Variants in NCOR1 observed in about 807,000 individuals in gnomAD.
NCOR1 encodes the protein protein phosphatase 1, regulatory subunit 109.
NCOR1 carries 63 observed loss-of-function variants against 288.1 expected under a neutral mutation model. The observed-to-expected ratio is 0.22, with a 90% CI of 0.18 to 0.27. The LOEUF is 0.27. Among genes scored for constraint, NCOR1 ranks in the 10% least tolerant of loss-of-function variants. The pLI, the probability that NCOR1 is intolerant of heterozygous loss-of-function variation, is 1.00. For synonymous variants in NCOR1, 1,007 were observed against 1,065.9 expected, an observed-to-expected ratio of 0.94 and a Z score of 1.08; for missense variants, 2,397 against 3,019.2, an observed-to-expected ratio of 0.79 and a Z score of 4.83.
At chr17:16,106,854 C>CACATATAT (rs1555652880) in intron 19 of NCOR1, among the ~76,000 whole-genome samples, 4 of 46,154 alleles carry the variant, frequency 8.7e-5, no homozygotes, top group African/African-American at 4.2e-4. Context: ...CTTGATCAGA[C>CACATATAT]ATATATATAT....
intron 35 of NCOR1, among the ~76,000 whole-genome samples, chr17:16,063,117 C>G (rs1418101438): frequency 6.6e-6 from 1 of 152,138 alleles, no homozygotes; most frequent in African/African-American, 2.4e-5. Flanking sequence ...CTCAGCCAGG[C>G]TTCTCAGCAG....
rs1366237463 is a variant in NCOR1, at chr17:16,098,485, A to G, written c.2702T>C (p.Met901Thr). ...GEPERQRMFP[M>T]DSKPSLLNPT... ...GTTTAACAGTGAAGGCTTTGAGTCC[A>G]TAGGAAACATTCTGCAATTGCAATT... The change falls in exon 21 of 46, where the codon ATG becomes ACG. Residue 901 changes from methionine (M) to threonine (T), a missense_variant. Around this residue, in one of 11 missense-constraint regions of NCOR1, gnomAD observed 1,872 missense variants for 2,187.8 expected, o/e 0.86. Coordinates refer to ENST00000268712, the MANE Select transcript of NCOR1 (RefSeq NM_006311.4). 1.2e-6 allele frequency: 2 copies of G among 1,605,710 alleles called. No individual in the cohort carries two copies. Among genetic ancestry groups the G allele is most frequent in the African/African-American group, 1.3e-5 (1 of 74,600 alleles).
chr17:16,097,676 T>C (rs2066887463), intron 21 of NCOR1, among the ~76,000 whole-genome samples: 1 of 152,232 alleles, frequency 6.6e-6, no homozygotes, highest in African/African-American at 2.4e-5. Context: ...TTCTGAGTTA[T>C]ATCCCTTATA....
At chr17:16,106,666 T>C (rs1452166068) in intron 19 of NCOR1, among the ~76,000 whole-genome samples, 4 of 151,670 alleles carry the variant, frequency 2.6e-5, no homozygotes, top group Non-Finnish European at 5.9e-5. Context: ...TCATTGAGAT[T>C]AGGAATAAGT....
At chr17:16,084,379 G>C (rs964987169) in intron 23 of NCOR1, 1 of 152,326 alleles carries the variant, frequency 6.6e-6, no homozygotes, top group African/African-American at 2.4e-5. Flanking sequence ...GGAAGATGAG[G>C]ATTATAACTC....
At position 16,153,376 on chromosome 17, in the gene NCOR1, T is replaced by C. The variant is rs2079170985; in HGVS notation, c.752A>G (p.His251Arg). The C allele has an allele frequency of 6.3e-7, 1 of 1,599,836 alleles. No homozygotes were observed. Among genetic ancestry groups the C allele is most frequent in the African/African-American group, 1.3e-5 (1 of 74,314 alleles). Residue 251 changes from histidine (H) to arginine (R), a missense_variant, in exon 7 of 46, where the codon CAT becomes CGT. His to Arg is a conservative substitution (Grantham distance 29). Transcript: ENST00000268712. ...DENRKKAEEA[H>R]KIFEGLGPKV... is the part of the protein sequence containing the mutation. ...TGGGCCAAGACCTTCAAAAATTTTATGAGCTTCTTCTGCTTTTTTCTAGAG... is the reference window on the plus strand; with the variant it reads ...TGGGCCAAGACCTTCAAAAATTTTACGAGCTTCTTCTGCTTTTTTCTAGAG...
At chr17:16,098,118 AGTT>A (rs1378343514) in intron 21 of NCOR1, among the ~76,000 whole-genome samples, 1 of 152,208 alleles carries the variant, frequency 6.6e-6, no homozygotes, top group African/African-American at 2.4e-5. Flanking sequence ...GGAAGAGAGG[AGTT>A]GTTTAATTAA....
At position 16,062,225 on chromosome 17, in the gene NCOR1, G is replaced by C; in HGVS notation, c.5267C>G (p.Ser1756Cys). The C allele has an allele frequency of 6.2e-7, 1 of 1,613,404 alleles. No homozygotes were observed. Among genetic ancestry groups the C allele is most frequent in the Non-Finnish European group, 8.5e-7 (1 of 1,179,902 alleles). ...CTGAGTTCTTACTGAAGGGGAAGGG[G>C]AGCGAACATATCCATGACTGCCAGG... ...GRPGSHGYVR[S>C]PSPSVRTQET... The change falls in exon 36 of 46, where the codon TCC (serine) becomes TGC (cysteine). Residue 1756 changes from serine (S) to cysteine (C), a missense_variant. By Grantham distance (112) the Ser-to-Cys change is moderately radical. This residue lies in a region of NCOR1 where 1,872 missense variants were observed against 2,187.8 expected (regional missense o/e 0.86). Transcript: ENST00000268712.
chr17:16,115,277 A>C (rs1241865259), intron 18 of NCOR1, among the ~76,000 whole-genome samples: 1 of 152,080 alleles, frequency 6.6e-6, no homozygotes, highest in African/African-American at 2.4e-5. Flanking sequence ...TTTCCTCCTC[A>C]GCCTCCAGGC....
chr17:16,173,512 CAA>C (rs549084922), intron 3 of NCOR1, among the ~76,000 whole-genome samples: 1 of 144,868 alleles, frequency 6.9e-6, no homozygotes, highest in Non-Finnish European at 1.5e-5. Flanking sequence ...AAAGAATTGG[CAA>C]AAAAAAAACT....
At position 16,062,207 on chromosome 17, in the gene NCOR1, C is replaced by G. The variant is rs775714146; in HGVS notation, c.5285G>C (p.Arg1762Thr). 2.5e-6 allele frequency: 4 copies of G among 1,613,868 alleles called. No homozygotes were observed. Among genetic ancestry groups the G allele is most frequent in the Non-Finnish European group, 3.4e-6 (4 of 1,180,012 alleles). The change falls in exon 36 of 46, where the codon AGA (arginine) becomes ACA (threonine). Residue 1762 changes from arginine (R) to threonine (T), a missense_variant. Transcript: ENST00000268712. ...GYVRSPSPSV[R>T]TQETMLQQRP... ...CTGTTGCAACATGGTCTCCTGAGTT[C>G]TTACTGAAGGGGAAGGGGAGCGAAC...
chr17:16,172,075 T>G, intron 3 of NCOR1, 80 bp from the exon 4 acceptor site: 2 of 1,180,296 alleles, frequency 1.7e-6, no homozygotes, highest in Non-Finnish European at 2.4e-6. Flanking sequence ...GGTTAGACTT[T>G]GAAATAACAA....
Position 16,032,052 on chromosome 17 carries a change from C to G in NCOR1, c.*244G>C, listed in dbSNP as rs1039598045. ...TTCACTTTTTAAAAACTCTACATCT[C>G]AACCCTCCACTATTATTATAGTCCA... On this transcript the variant is annotated 3_prime_UTR_variant, in exon 46 of 46. Transcript: ENST00000268712. 6.5e-6 allele frequency: 3 copies of G among 461,564 alleles called. No individual in the cohort carries two copies. The highest frequency in any genetic ancestry group is 6.1e-5 in the African/African-American group (3 of 48,938). The allele number at this position is 461,564 out of a possible 1,614,324, so 28.6% of individuals were successfully genotyped here. A position where few individuals can be genotyped will look rare whatever the true frequency, so the allele number is the denominator to read the frequency against.
chr17:16,032,202 CA>C lies in NCOR1; in HGVS notation c.*93del. 1 of 1,274,340 alleles carries C rather than the reference CA, an allele frequency of 7.8e-7. No individual in the cohort carries two copies. The highest frequency in any genetic ancestry group is 1.1e-6 in the Non-Finnish European group (1 of 948,228). 78.9% of individuals were successfully genotyped at this position (1,274,340 alleles called of 1,614,324 possible). On this transcript the variant is annotated 3_prime_UTR_variant, in exon 46 of 46. Transcript: ENST00000268712. ...TCCTGAAAAGTCTCAGGGAATAAGT[CA>C]CAGGAGGGCAGGTTTTTGACCTGCT... is the stretch of plus-strand genomic sequence containing the variant.
intron 2 of NCOR1, among the ~76,000 whole-genome samples, chr17:16,194,007 T>C (rs2153557536): frequency 1.3e-5 from 2 of 152,348 alleles, no homozygotes; most frequent in South Asian, 4.1e-4. Context: ...AAACTCTTCC[T>C]ATGATAAAGT....
intron 15 of NCOR1, among the ~76,000 whole-genome samples, chr17:16,125,354 CT>C (rs1181678431): frequency 3.3e-5 from 5 of 151,924 alleles, no homozygotes; most frequent in Non-Finnish European, 7.4e-5. Context: ...CAGACTGAGG[CT>C]CTGTCTCGAA....
intron 18 of NCOR1, among the ~76,000 whole-genome samples, chr17:16,111,234 G>A (rs1416508576): frequency 6.6e-6 from 1 of 152,108 alleles, no homozygotes. Flanking sequence ...ACGTTGCCAA[G>A]CATTTTCTTC....
intron 32 of NCOR1, among the ~76,000 whole-genome samples, 181 bp downstream of exon 32, chr17:16,067,713 A>T (rs943362607): frequency 6.6e-6 from 1 of 152,176 alleles, no homozygotes; most frequent in African/African-American, 2.4e-5. Flanking sequence ...CCGGGTGCTG[A>T]TAAGATTTTA....
chr17:16,125,582 G>C (rs186784972), intron 15 of NCOR1, among the ~76,000 whole-genome samples: 77 of 149,662 alleles, frequency 5.1e-4, no homozygotes, highest in African/African-American at 1.7e-3. Flanking sequence ...GATGCCTGTA[G>C]GCCCAGCTAC....
Sources: gnomAD v4.1 joint callset for allele counts (sites outside exome capture counted in the v4.1 genomes callset) on GRCh38, gnomAD v4.1.1 for gene constraint, gnomAD v4.1.1 regional missense constraint, MANE v1.5 for transcripts, NCBI Gene and HGNC (gene_info 2026-07-23, HGNC 2026-07-21) for gene names.